Variants in COL5A2 observed in about 807,000 individuals in gnomAD.
The protein encoded by COL5A2 is collagen alpha-2(V) chain.
COL5A2 carries 23 observed loss-of-function variants against 208.2 expected under a neutral mutation model. The ratio of observed to expected loss-of-function variants is 0.11; its 90% confidence interval spans 0.08 to 0.16. The LOEUF is 0.16. Among genes scored for constraint, COL5A2 ranks in the 10% least tolerant of loss-of-function variants. The probability of loss-of-function intolerance (pLI) is 1.00; values close to 1 mark genes in which losing one functional copy is unlikely to be tolerated. For missense variants in COL5A2, 1,590 were observed against 1,956.4 expected (o/e 0.81, Z 3.53); for synonymous variants, 625 against 628.5 (o/e 0.99, Z 0.08).
At chr2:189,418,499 T>C in the COL5A2 span, among the ~76,000 whole-genome samples, 3 of 152,172 alleles carry the variant, frequency 2.0e-5, no homozygotes, top group East Asian at 5.8e-4. Context: ...CTATTCCAAC[T>C]ATAAGTTCAG....
intron 1 of COL5A2, among the ~76,000 whole-genome samples, chr2:189,178,717 A>AG (rs1384286443): frequency 1.3e-5 from 2 of 151,396 alleles, no homozygotes; most frequent in African/African-American, 4.8e-5. Flanking sequence ...TTTAAAAAAA[A>AG]AAAAAAAAAA....
rs1195591395 is a variant in COL5A2 at position 189,072,103 on chromosome 2, G to T, written c.1105-10C>A. On this transcript the variant is annotated splice_polypyrimidine_tract_variant and intron_variant, in intron 17 of 53. Coordinates refer to ENST00000374866, the MANE Select transcript of COL5A2 (RefSeq NM_000393.5). ...GTATCCCAAGAGGACCCTATTAAAA[G>T]AAACCAGAAAAGTAATCAGACATGT... is the stretch of plus-strand genomic sequence containing the variant. The T allele has an allele frequency of 6.2e-7, 1 of 1,601,196 alleles. No homozygotes were observed.
intron 1 of COL5A2, among the ~76,000 whole-genome samples, chr2:189,177,072 A>T (rs760836992): frequency 1.3e-5 from 2 of 152,234 alleles, no homozygotes; most frequent in Non-Finnish European, 2.9e-5. Context: ...AGTCAAGTAA[A>T]GGGAAATATA....
intron 1 of COL5A2, among the ~76,000 whole-genome samples, chr2:189,176,707 G>A (rs969779312): frequency 8.6e-5 from 13 of 150,910 alleles, no homozygotes; most frequent in Non-Finnish European, 1.6e-4. Context: ...CTCACCACAC[G>A]CACACACACA....
At chr2:189,286,210 A>G in the COL5A2 span, among the ~76,000 whole-genome samples, 1 of 152,098 alleles carries the variant, frequency 6.6e-6, no homozygotes, top group African/African-American at 2.4e-5. Flanking sequence ...TTGCATCCTA[A>G]CTGTCCATTT....
the COL5A2 span, among the ~76,000 whole-genome samples, chr2:189,282,415 GA>G: frequency 6.6e-6 from 1 of 152,060 alleles, no homozygotes; most frequent in Non-Finnish European, 1.5e-5. Context: ...CATTTCAAAA[GA>G]AGCATGATAG....
At chr2:189,085,866 T>C (rs1559096826) in intron 9 of COL5A2, 94 bp from the exon 10 acceptor site, 2 of 1,031,492 alleles carry the variant, frequency 1.9e-6, no homozygotes, top group South Asian at 1.3e-5. Flanking sequence ...GTTTAGACAG[T>C]TGGCTCTGCC....
chr2:189,287,174 A>T, the COL5A2 span, among the ~76,000 whole-genome samples: 9 of 149,598 alleles, frequency 6.0e-5, no homozygotes, highest in South Asian at 2.1e-4. Context: ...TATAAAAATT[A>T]AAAAAAAAAT....
At chr2:189,062,500 A>G (rs1686056762) in intron 29 of COL5A2, among the ~76,000 whole-genome samples, 1 of 152,094 alleles carries the variant, frequency 6.6e-6, no homozygotes, top group Non-Finnish European at 1.5e-5. Flanking sequence ...AAATTTTTAT[A>G]AGATGCATTA....
At chr2:189,178,790 A>C (rs1688729309) in intron 1 of COL5A2, among the ~76,000 whole-genome samples, 1 of 151,578 alleles carries the variant, frequency 6.6e-6, no homozygotes, top group South Asian at 2.1e-4. Context: ...TATATACAAG[A>C]CATGCTGATT....
intron 13 of COL5A2, among the ~76,000 whole-genome samples, chr2:189,080,456 C>G (rs1440572257): frequency 6.6e-6 from 1 of 152,056 alleles, no homozygotes; most frequent in Non-Finnish European, 1.5e-5. Flanking sequence ...AAAACAGAGG[C>G]CAGTGTATAT....
chr2:189,116,636 G>C (rs1687397069), intron 1 of COL5A2, among the ~76,000 whole-genome samples: 1 of 152,172 alleles, frequency 6.6e-6, no homozygotes, highest in Admixed American at 6.5e-5. Context: ...TACATCTTCT[G>C]TTCTTCAATC....
At chr2:189,245,210 G>C in the COL5A2 span, among the ~76,000 whole-genome samples, 1 of 152,196 alleles carries the variant, frequency 6.6e-6, no homozygotes, top group South Asian at 2.1e-4. Flanking sequence ...CAGGTTTCTT[G>C]AGAGCAGTGT....
chr2:189,227,075 GA>G (rs1689430409), upstream of COL5A2, among the ~76,000 whole-genome samples: 1 of 152,108 alleles, frequency 6.6e-6, no homozygotes, highest in Non-Finnish European at 1.5e-5. Context: ...AAAACTTTGA[GA>G]GGCCTTCAGA....
the COL5A2 span, among the ~76,000 whole-genome samples, chr2:189,327,419 A>G: frequency 6.6e-6 from 1 of 152,156 alleles, no homozygotes; most frequent in Non-Finnish European, 1.5e-5. Flanking sequence ...AAAGGGGGAG[A>G]AAGAAGAAGA....
chr2:189,379,280 A>C, the COL5A2 span, among the ~76,000 whole-genome samples: 1 of 152,344 alleles, frequency 6.6e-6, no homozygotes, highest in South Asian at 2.1e-4. Context: ...AAATGATTCA[A>C]GGCTGTAGTT....
the COL5A2 span, among the ~76,000 whole-genome samples, chr2:189,431,943 G>A: frequency 6.6e-6 from 1 of 152,208 alleles, no homozygotes; most frequent in East Asian, 1.9e-4. Flanking sequence ...AGTGCAGTCA[G>A]AGAGAAAGTT....
chr2:189,166,698 C>T (rs538568945), intron 1 of COL5A2, among the ~76,000 whole-genome samples: 97 of 152,316 alleles, frequency 6.4e-4, no homozygotes, highest in Admixed American at 1.0e-3. Context: ...GTGTGAGCCA[C>T]GGAGTCCATC....
intron 1 of COL5A2, among the ~76,000 whole-genome samples, chr2:189,151,228 A>G (rs1688135316): frequency 6.6e-6 from 1 of 152,154 alleles, no homozygotes; most frequent in Admixed American, 6.5e-5. Context: ...CACCCCTTCC[A>G]TTAAAATAGA....
Sources: gnomAD v4.1 joint callset for allele counts (sites outside exome capture counted in the v4.1 genomes callset) on GRCh38, gnomAD v4.1.1 for gene constraint, MANE v1.5 for transcripts, NCBI Gene and HGNC (gene_info 2026-07-23, HGNC 2026-07-21) for gene names.